Variants in PTPRD observed in about 807,000 individuals in gnomAD.
PTPRD encodes the protein protein tyrosine phosphatase receptor type D, also known as receptor-type tyrosine-protein phosphatase delta.
Under a neutral mutation model 214.5 loss-of-function variants are expected in PTPRD, and 34 were observed. The observed-to-expected ratio is 0.16, with a 90% CI of 0.12 to 0.21. The LOEUF (loss-of-function observed/expected upper bound fraction) is 0.21. Ranked by LOEUF, PTPRD falls within the 10% of genes least tolerant of loss-of-function variation. The probability of loss-of-function intolerance (pLI) is 1.00; values close to 1 mark genes in which losing one functional copy is unlikely to be tolerated. For synonymous variants in PTPRD, 1,128 were observed against 845.7 expected, an observed-to-expected ratio of 1.33 and a Z score of -5.79; for missense variants, 2,545 against 2,398.7, an observed-to-expected ratio of 1.06 and a Z score of -1.27.
intron 9 of PTPRD, among the ~76,000 whole-genome samples, chr9:9,191,673 T>C (rs1162991787): frequency 6.6e-6 from 1 of 152,136 alleles, no homozygotes; most frequent in Non-Finnish European, 1.5e-5. Flanking sequence ...TAACTCTTTA[T>C]TTATTGCACC....
intron 5 of PTPRD, among the ~76,000 whole-genome samples, chr9:9,800,941 C>CT (rs1241843433): frequency 6.6e-6 from 1 of 152,068 alleles, no homozygotes. Context: ...ATTAGTTGAG[C>CT]TTTTTGACAA....
chr9:8,779,974 C>A (rs183858516), intron 11 of PTPRD, among the ~76,000 whole-genome samples: 1 of 152,170 alleles, frequency 6.6e-6, no homozygotes, highest in Admixed American at 6.6e-5. Context: ...CCATAATATT[C>A]TTTACATCTT....
At chr9:10,013,199 G>C (rs1193330263) in intron 4 of PTPRD, among the ~76,000 whole-genome samples, 1 of 151,850 alleles carries the variant, frequency 6.6e-6, no homozygotes, top group Non-Finnish European at 1.5e-5. Context: ...GCCTTCAGAA[G>C]TTTTTCAGTG....
rs569832227 is a variant in PTPRD at position 8,831,453 on chromosome 9, A to G, written c.-103-97507T>C. ...ATACAGTCTACATACAATTAAATAC[A>G]TTATATAACATGCTCAGAGACCAGA... On this transcript the variant is annotated intron_variant, in intron 11 of 45. Transcript: ENST00000381196. 3.9e-5 allele frequency among the ~76,000 whole-genome samples: 6 copies of G among 152,274 alleles called. No homozygotes were observed. The South Asian group carries it at 1.2e-3, about 32-fold the overall frequency.
intron 12 of PTPRD, among the ~76,000 whole-genome samples, chr9:8,718,001 C>G (rs1565525344): frequency 6.6e-6 from 1 of 152,086 alleles, no homozygotes; most frequent in African/African-American, 2.4e-5. Context: ...AACTCAAATG[C>G]CTGCAACATA....
At chr9:9,742,074 A>T (rs2098409397) in intron 6 of PTPRD, among the ~76,000 whole-genome samples, 1 of 152,158 alleles carries the variant, frequency 6.6e-6, no homozygotes, top group Non-Finnish European at 1.5e-5. Flanking sequence ...TCCCACCAAC[A>T]GTGTTTTTAA....
At chr9:10,135,968 C>G (rs1203979003) in intron 3 of PTPRD, among the ~76,000 whole-genome samples, 1 of 150,164 alleles carries the variant, frequency 6.7e-6, no homozygotes, top group Non-Finnish European at 1.5e-5. Flanking sequence ...AAGGCCCAAC[C>G]AGCTATTGCC....
intron 8 of PTPRD, among the ~76,000 whole-genome samples, chr9:9,426,290 C>A (rs1326753381): frequency 6.6e-6 from 1 of 152,162 alleles, no homozygotes; most frequent in Non-Finnish European, 1.5e-5. Flanking sequence ...GGTCCCACGC[C>A]CATGGAGCCC....
At position 8,989,955 on chromosome 9, in the gene PTPRD, T is replaced by TTA. The variant is rs1336727469; in HGVS notation, c.-104+28741_-104+28742insTA. Among the ~76,000 whole-genome samples the TTA allele has an allele frequency of 2.6e-5, 4 of 152,308 alleles. No homozygotes were observed. In the East Asian group the frequency reaches 7.7e-4, roughly 29 times the overall value. On this transcript the variant is annotated intron_variant, in intron 11 of 45. Coordinates refer to ENST00000381196, the MANE Select transcript of PTPRD (RefSeq NM_002839.4). ...TACAATATTTACTCAGACAGTTCTCTTTATAAGGGCTATAAAGAAACTTAT... is the reference window on the plus strand; with the variant it reads ...TACAATATTTACTCAGACAGTTCTCTTATTATAAGGGCTATAAAGAAACTTAT...
intron 8 of PTPRD, among the ~76,000 whole-genome samples, chr9:9,401,169 C>T (rs1391224091): frequency 6.6e-6 from 1 of 152,006 alleles, no homozygotes; most frequent in African/African-American, 2.4e-5. Flanking sequence ...AATAGGTACC[C>T]ATTCTGGGCA....
intron 14 of PTPRD, among the ~76,000 whole-genome samples, chr9:8,533,008 G>A (rs994822278): frequency 6.6e-6 from 1 of 152,020 alleles, no homozygotes; most frequent in African/African-American, 2.4e-5. Flanking sequence ...GAATCCATGA[G>A]GAAAATAGTC....
At chr9:8,809,164 C>A (rs2096749936) in intron 11 of PTPRD, among the ~76,000 whole-genome samples, 1 of 152,090 alleles carries the variant, frequency 6.6e-6, no homozygotes, top group African/African-American at 2.4e-5. Context: ...CTTCATCTAT[C>A]TCCACAAAAC....
At chr9:8,753,114 AAAGT>A (rs2093680126) in intron 11 of PTPRD, among the ~76,000 whole-genome samples, 2 of 152,214 alleles carry the variant, frequency 1.3e-5, no homozygotes, top group African/African-American at 2.4e-5. Context: ...TCAGATCTTT[AAAGT>A]AAGGTACGTT....
intron 11 of PTPRD, among the ~76,000 whole-genome samples, chr9:8,808,966 G>A (rs2096744730): frequency 6.6e-6 from 1 of 152,048 alleles, no homozygotes. Flanking sequence ...GAACACAAGT[G>A]CTTAAGCAAA....
intron 11 of PTPRD, among the ~76,000 whole-genome samples, chr9:8,831,794 G>A (rs932262353): frequency 1.3e-5 from 2 of 152,136 alleles, no homozygotes; most frequent in African/African-American, 4.8e-5. Context: ...TGTAAACACT[G>A]CAAAACCTCA....
At chr9:8,358,643 T>C (rs1035897452) in intron 39 of PTPRD, among the ~76,000 whole-genome samples, 1 of 152,202 alleles carries the variant, frequency 6.6e-6, no homozygotes, top group Non-Finnish European at 1.5e-5. Flanking sequence ...TTAATTTCAG[T>C]ACTCTTTTTT....
chr9:10,508,021 A>C (rs1257622718), intron 2 of PTPRD, among the ~76,000 whole-genome samples: 1 of 151,922 alleles, frequency 6.6e-6, no homozygotes, highest in Non-Finnish European at 1.5e-5. Context: ...CAACCTACAG[A>C]ATGGGAGAAA....
chr9:8,713,680 A>T, intron 12 of PTPRD: 1 of 1,512,726 alleles, frequency 6.6e-7, no homozygotes, highest in South Asian at 1.1e-5. Flanking sequence ...GGCCCACTCC[A>T]TTCAGATCAT....
intron 11 of PTPRD, among the ~76,000 whole-genome samples, chr9:8,909,748 C>CATAGAG (rs895027132): frequency 1.3e-5 from 2 of 148,230 alleles, no homozygotes; most frequent in Non-Finnish European, 3.0e-5. Context: ...AGGTGGAAGA[C>CATAGAG]ATAGAGATAG....
Sources: allele counts gnomAD v4.1 joint callset (sites outside exome capture counted in the v4.1 genomes callset), GRCh38; gene constraint gnomAD v4.1.1; transcripts MANE v1.5; gene names NCBI Gene and HGNC (gene_info 2026-07-23, HGNC 2026-07-21).